Variants in CASTOR2 observed in about 807,000 individuals in gnomAD.
CASTOR2 encodes the protein GATS protein like 2.
A neutral mutation model predicts 31.2 loss-of-function variants in CASTOR2; 8 were observed. The ratio of observed to expected loss-of-function variants is 0.26; its 90% CI spans 0.15 to 0.46. The LOEUF is 0.46. Among genes scored for constraint, CASTOR2 ranks in the 20% least tolerant of loss-of-function variants. The probability of loss-of-function intolerance (pLI) is 0.99; values close to 1 mark genes in which losing one functional copy is unlikely to be tolerated. For synonymous variants in CASTOR2, 162 were observed against 158.7 expected (o/e 1.02, Z -0.16); for missense variants, 216 against 382.1 (o/e 0.57, Z 3.62).
intron 2 of CASTOR2, among the ~76,000 whole-genome samples, chr7:75,009,147 G>A (rs1804671608): frequency 6.6e-6 from 1 of 150,628 alleles, no homozygotes; most frequent in African/African-American, 2.4e-5. Context: ...TAGTAGAGAT[G>A]GAGATTCACC....
intron 1 of CASTOR2, among the ~76,000 whole-genome samples, chr7:74,995,642 C>G (rs1292644048): frequency 6.6e-6 from 1 of 151,522 alleles, no homozygotes; most frequent in Admixed American, 6.6e-5. Flanking sequence ...CCTGTCTCTA[C>G]TAAAAATACA....
chr7:74,986,489 C>CAAA (rs1230811070), intron 1 of CASTOR2, among the ~76,000 whole-genome samples: 1 of 66,956 alleles, frequency 1.5e-5, no homozygotes, highest in Non-Finnish European at 3.0e-5. Context: ...GACTCTGTCT[C>CAAA]AAAAAAAAAA....
rs1164806534 is a variant in CASTOR2 at position 75,030,716 on chromosome 7, C to T, written c.*6017C>T. Among the ~76,000 whole-genome samples the T allele has an allele frequency of 9.2e-5, 14 of 152,250 alleles. No individual in the cohort carries two copies. The East Asian group carries it at 2.7e-3, about 29-fold the overall frequency. Reference sequence around the variant, plus strand: ...AGATTCAAGGGCCCAGGGTAAAAGCCAACGTGTTATTTTTATCCCTAGCCT... The same window carrying T: ...AGATTCAAGGGCCCAGGGTAAAAGCTAACGTGTTATTTTTATCCCTAGCCT... On this transcript the variant is annotated 3_prime_UTR_variant, in exon 9 of 9. Transcript: ENST00000616305.
rs1201388313 is a variant in CASTOR2 at position 75,002,674 on chromosome 7, C to CAGGGGCGTTGA, written c.114-5319_114-5309dup. On this transcript the variant is annotated intron_variant, in intron 1 of 8. Coordinates refer to ENST00000616305, the MANE Select transcript of CASTOR2 (RefSeq NM_001145064.3). ...TGTTGGAGGCATGAGACTGTGGAGG[C>CAGGGGCGTTGA]AGGGGCGTTGAGGCCAGGAGTGGAA... 4.4e-4 allele frequency among the ~76,000 whole-genome samples: 67 copies of CAGGGGCGTTGA among 152,236 alleles called. 1 individual carries two copies. The highest frequency in any genetic ancestry group is 6.3e-4 in the Non-Finnish European group (43 of 68,014).
chr7:75,020,474 G>A (rs1487570307), intron 6 of CASTOR2, among the ~76,000 whole-genome samples: 3 of 144,220 alleles, frequency 2.1e-5, no homozygotes, highest in Admixed American at 7.1e-5. Context: ...CAGGCAATCC[G>A]CCCGCCTCAG....
intron 1 of CASTOR2, among the ~76,000 whole-genome samples, chr7:75,005,637 G>A (rs1268692258): frequency 2.6e-5 from 4 of 152,170 alleles, no homozygotes; most frequent in African/African-American, 4.8e-5. Context: ...CACTTCTCGC[G>A]GATGAATACC....
chr7:75,024,344 G>T, intron 7 of CASTOR2, 96 bp from the exon 8 acceptor site: 1 of 1,183,962 alleles, frequency 8.4e-7, no homozygotes, highest in Non-Finnish European at 1.2e-6. Context: ...GGTGGGTGCA[G>T]GGTAGGCATT....
rs1285338204 is a variant in CASTOR2, at chr7:75,016,794, A to G, written c.185-804A>G. 4.4e-3 allele frequency among the ~76,000 whole-genome samples: 669 copies of G among 152,308 alleles called. 24 individuals carry two copies. Among genetic ancestry groups the G allele is most frequent in the Admixed American group, 0.038 (578 of 15,290 alleles). The stretch of plus-strand genomic sequence containing the variant: ...TTGCCCACATGGCTCCTACTCTGCT[A>G]AGCTGCCGGGGATGTCCTGTGTCAT... On this transcript the variant is annotated intron_variant, in intron 2 of 8. Transcript: ENST00000616305.
chr7:74,998,958 C>G (rs1397616571), intron 1 of CASTOR2, among the ~76,000 whole-genome samples: 1 of 151,960 alleles, frequency 6.6e-6, no homozygotes, highest in Non-Finnish European at 1.5e-5. Context: ...ATTGGATTCT[C>G]CTGGTCGCCC....
chr7:75,012,385 C>T (rs1333053641), intron 2 of CASTOR2, among the ~76,000 whole-genome samples: 1 of 152,152 alleles, frequency 6.6e-6, no homozygotes, highest in African/African-American at 2.4e-5. Context: ...TCACTGCATC[C>T]TCCACCTCCC....
chr7:74,989,885 C>G (rs1266445772), intron 1 of CASTOR2, among the ~76,000 whole-genome samples: 71 of 152,230 alleles, frequency 4.7e-4, no homozygotes, highest in African/African-American at 1.7e-3. Context: ...GGAACACTTT[C>G]TGCAATGATG....
chr7:74,996,270 G>A (rs1804344794), intron 1 of CASTOR2, among the ~76,000 whole-genome samples: 1 of 152,144 alleles, frequency 6.6e-6, no homozygotes, highest in African/African-American at 2.4e-5. Context: ...CAGCCCCACA[G>A]GCCAGCAGTA....
In CASTOR2 at chr7:74,996,747, G is replaced by GTTTTA. The variant is rs1804361090; in HGVS notation, c.114-11247_114-11246insTTTTA. 9.5e-4 allele frequency among the ~76,000 whole-genome samples: 2 copies of GTTTTA among 2,098 alleles called. 1 individual carries two copies. The highest frequency in any genetic ancestry group is 0.012 in the Admixed American group (2 of 162). The allele number at this position is 2,098 out of a possible 152,430, so 1.4% of individuals were successfully genotyped here. A position where few individuals can be genotyped will look rare whatever the true frequency, so the allele number is the denominator to read the frequency against. ...TTTTTTTTTTTTTTTTTTTTTTTTG[G>GTTTTA]AGACAGAATCTTACTCTGTCACCCA... On this transcript the variant is annotated intron_variant, in intron 1 of 8. Transcript: ENST00000616305.
At chr7:75,015,696 TC>T (rs1804847420) in intron 2 of CASTOR2, among the ~76,000 whole-genome samples, 1 of 152,116 alleles carries the variant, frequency 6.6e-6, no homozygotes, top group African/African-American at 2.4e-5. Flanking sequence ...CTCTGTTACT[TC>T]CTAAGTGATC....
chr7:74,994,725 A>G (rs1474377790), intron 1 of CASTOR2, among the ~76,000 whole-genome samples: 2 of 151,600 alleles, frequency 1.3e-5, no homozygotes, highest in South Asian at 2.1e-4. Context: ...ACTCCAGCCT[A>G]GGCAACAAAG....
At chr7:75,021,458 C>T (rs1224829029) in intron 6 of CASTOR2, among the ~76,000 whole-genome samples, 1 of 152,200 alleles carries the variant, frequency 6.6e-6, no homozygotes, top group African/African-American at 2.4e-5. Context: ...CACCATAGCA[C>T]TTCATCATAA....
In CASTOR2 at chr7:75,026,189, G is replaced by GTTTTTTTTTTTTTTT. The variant is rs879121750; in HGVS notation, c.*1493_*1507dup. 7.8e-4 allele frequency among the ~76,000 whole-genome samples: 92 copies of GTTTTTTTTTTTTTTT among 117,688 alleles called. 4 individuals are homozygous for GTTTTTTTTTTTTTTT. Among genetic ancestry groups the GTTTTTTTTTTTTTTT allele is most frequent in the African/African-American group, 1.1e-3 (34 of 30,790 alleles). 77.2% of individuals were successfully genotyped at this position (117,688 alleles called of 152,430 possible). ...CCCTGTGGTTTTGGCTCTGGCGGGGGTTTTTTTTTTTTTTTTTGAGATGGG... is the reference window on the plus strand; with the variant it reads ...CCCTGTGGTTTTGGCTCTGGCGGGGGTTTTTTTTTTTTTTTTTTTTTTTTTTTTTTTTGAGATGGG... On this transcript the variant is annotated 3_prime_UTR_variant, in exon 9 of 9. Transcript: ENST00000616305.
At chr7:75,017,830 C>A (rs1437730368) in intron 3 of CASTOR2, 39 bp downstream of exon 3, 2 of 1,613,930 alleles carry the variant, frequency 1.2e-6, no homozygotes, top group Non-Finnish European at 8.5e-7. Flanking sequence ...CACACTCATG[C>A]CCGCCTCTGA....
chr7:75,006,879 T>C (rs1475917083), intron 1 of CASTOR2, among the ~76,000 whole-genome samples: 8 of 111,006 alleles, frequency 7.2e-5, no homozygotes, highest in African/African-American at 2.4e-4. Context: ...CAACCAGCCA[T>C]GTGGAACTAT....
Sources: gnomAD v4.1 joint callset for allele counts (sites outside exome capture counted in the v4.1 genomes callset) on GRCh38, gnomAD v4.1.1 for gene constraint, MANE v1.5 for transcripts, NCBI Gene and HGNC (gene_info 2026-07-23, HGNC 2026-07-21) for gene names.